SH3BGRL2: variants seen among roughly 807,000 people sequenced by gnomAD.
The protein encoded by SH3BGRL2 is SH3 domain binding glutamate rich protein like 2, also known as SH3 domain-binding glutamic acid-rich-like protein 2.
A neutral mutation model predicts 14.8 loss-of-function variants in SH3BGRL2; 21 were observed. The ratio of observed to expected loss-of-function variants is 1.42; its 90% CI spans 1.01 to 2.05. The LOEUF (loss-of-function observed/expected upper bound fraction) is 2.05, where lower values mean the gene tolerates loss of function less well. SH3BGRL2 is among the 30% of genes most tolerant of loss of function. The probability of loss-of-function intolerance (pLI) is 0.00; values close to 1 mark genes in which losing one functional copy is unlikely to be tolerated. For synonymous variants in SH3BGRL2, 50 were observed against 47.8 expected (o/e 1.05, Z -0.19); for missense variants, 147 against 130.8 (o/e 1.12, Z -0.61).
At chr6:79,665,856 T>C (rs1769650011) in intron 1 of SH3BGRL2, among the ~76,000 whole-genome samples, 1 of 152,236 alleles carries the variant, frequency 6.6e-6, no homozygotes, top group South Asian at 2.1e-4. Context: ...CAAGCTTCAG[T>C]CTTTTGTAAG....
intron 2 of SH3BGRL2, among the ~76,000 whole-genome samples, chr6:79,691,155 A>G (rs1411904772): frequency 6.6e-6 from 1 of 152,058 alleles, no homozygotes; most frequent in East Asian, 1.9e-4. Flanking sequence ...CCCTATCTCA[A>G]CAACAACAAA....
chr6:79,651,932 C>T (rs1769305506), intron 1 of SH3BGRL2, among the ~76,000 whole-genome samples: 1 of 152,094 alleles, frequency 6.6e-6, no homozygotes, highest in Non-Finnish European at 1.5e-5. Flanking sequence ...CTGTTCTGTG[C>T]ATTTTAGGAT....
rs560353680 is a variant in SH3BGRL2 at position 79,682,073 on chromosome 6, A to G, written c.231+8274A>G. ...CAAACATAAAATATGGTCTTCAACT[A>G]CGGTCTGACAAAAAGTTACTGGAAA... On this transcript the variant is annotated intron_variant, in intron 2 of 3. Transcript: ENST00000369838. Among the ~76,000 whole-genome samples the G allele has an allele frequency of 7.2e-5, 11 of 152,240 alleles. No individual in the cohort carries two copies. The South Asian group carries it at 1.7e-3, about 23-fold the overall frequency.
chr6:79,593,302 GAAGC>G, the SH3BGRL2 span, among the ~76,000 whole-genome samples: 4 of 152,252 alleles, frequency 2.6e-5, no homozygotes, highest in South Asian at 8.3e-4. Flanking sequence ...GTTTATACAA[GAAGC>G]AGAAACTCAT....
intron 2 of SH3BGRL2, among the ~76,000 whole-genome samples, chr6:79,682,547 C>T (rs1406096293): frequency 2.0e-5 from 3 of 152,048 alleles, no homozygotes; most frequent in Admixed American, 1.3e-4. Context: ...GCTAACATAT[C>T]TCCTTGTCTC....
chr6:79,543,401 A>C, the SH3BGRL2 span, among the ~76,000 whole-genome samples: 1 of 152,174 alleles, frequency 6.6e-6, no homozygotes, highest in Non-Finnish European at 1.5e-5. Flanking sequence ...GGATTAGATT[A>C]TTTACCCAGA....
chr6:79,655,302 T>C (rs191218363), intron 1 of SH3BGRL2, among the ~76,000 whole-genome samples: 37 of 152,248 alleles, frequency 2.4e-4, no homozygotes, highest in African/African-American at 8.9e-4. Context: ...ACTACTTTTG[T>C]ACCATGGGTA....
intron 2 of SH3BGRL2, among the ~76,000 whole-genome samples, chr6:79,681,842 C>T (rs1008753483): frequency 1.3e-5 from 2 of 152,100 alleles, no homozygotes; most frequent in South Asian, 2.1e-4. Flanking sequence ...GTCCCAGCTA[C>T]TGGGGAGGCT....
At chr6:79,540,681 G>T in the SH3BGRL2 span, among the ~76,000 whole-genome samples, 1 of 152,004 alleles carries the variant, frequency 6.6e-6, no homozygotes, top group South Asian at 2.1e-4. Context: ...GTAAAAATGT[G>T]TATATACTTA....
intron 1 of SH3BGRL2, among the ~76,000 whole-genome samples, chr6:79,655,952 G>A (rs1769403747): frequency 6.6e-6 from 1 of 152,204 alleles, no homozygotes; most frequent in Admixed American, 6.5e-5. Context: ...GGGAGTGGGA[G>A]GGGAAGGTAG....
At chr6:79,685,333 G>C (rs1770070139) in intron 2 of SH3BGRL2, among the ~76,000 whole-genome samples, 1 of 152,138 alleles carries the variant, frequency 6.6e-6, no homozygotes, top group African/African-American at 2.4e-5. Flanking sequence ...AATGAAGAGA[G>C]AACAAAACTG....
chr6:79,572,031 G>A, the SH3BGRL2 span, among the ~76,000 whole-genome samples: 1 of 152,086 alleles, frequency 6.6e-6, no homozygotes, highest in South Asian at 2.1e-4. Flanking sequence ...TGGTACATTT[G>A]TCCATACTAA....
chr6:79,572,911 A>G, the SH3BGRL2 span, among the ~76,000 whole-genome samples: 2 of 152,210 alleles, frequency 1.3e-5, no homozygotes, highest in East Asian at 1.9e-4. Context: ...TGTTGCCAAT[A>G]TGCATTGCAA....
the SH3BGRL2 span, among the ~76,000 whole-genome samples, chr6:79,615,437 C>A: frequency 6.6e-5 from 10 of 152,202 alleles, no homozygotes; most frequent in African/African-American, 2.4e-4. Context: ...ATGCACCTTA[C>A]TGGTTAATAA....
chr6:79,549,134 G>T, the SH3BGRL2 span, among the ~76,000 whole-genome samples: 2 of 152,146 alleles, frequency 1.3e-5, no homozygotes, highest in Non-Finnish European at 2.9e-5. Flanking sequence ...AAAAGCATTT[G>T]TAAAGATTAA....
At chr6:79,587,017 G>A in the SH3BGRL2 span, among the ~76,000 whole-genome samples, 15,807 of 152,100 alleles carry the variant, frequency 0.1, 1,649 homozygotes, top group East Asian at 0.56. Flanking sequence ...CAAAAAACAC[G>A]TTTTTATCTA....
At chr6:79,585,658 C>G in the SH3BGRL2 span, among the ~76,000 whole-genome samples, 1 of 152,152 alleles carries the variant, frequency 6.6e-6, no homozygotes. Flanking sequence ...ATATTGCTCA[C>G]TCTGTAAGGT....
At chr6:79,598,344 T>C in the SH3BGRL2 span, among the ~76,000 whole-genome samples, 1 of 152,216 alleles carries the variant, frequency 6.6e-6, no homozygotes, top group Non-Finnish European at 1.5e-5. Flanking sequence ...ACAATCTATG[T>C]GTTGTATTTC....
At chr6:79,655,612 CAAGGCT>C (rs1769393661) in intron 1 of SH3BGRL2, among the ~76,000 whole-genome samples, 1 of 152,052 alleles carries the variant, frequency 6.6e-6, no homozygotes. Flanking sequence ...CACTCCAGCC[CAAGGCT>C]ACTACTAATC....
Sources: gnomAD v4.1 joint callset for allele counts (sites outside exome capture counted in the v4.1 genomes callset) on GRCh38, gnomAD v4.1.1 for gene constraint, MANE v1.5 for transcripts, NCBI Gene and HGNC (gene_info 2026-07-23, HGNC 2026-07-21) for gene names.